Variants in BACH2 observed in about 807,000 individuals in gnomAD.
The protein encoded by BACH2 is transcription regulator protein BACH2.
BACH2 carries 5 observed loss-of-function variants against 61.8 expected under a neutral mutation model. The observed-to-expected ratio is 0.08, with a 90% CI of 0.04 to 0.17. BACH2 has a LOEUF of 0.17. BACH2 is among the 10% of genes least tolerant of loss of function. The pLI, the probability that BACH2 is intolerant of heterozygous loss-of-function variation, is 1.00. For missense variants in BACH2, 824 were observed against 1,091.1 expected (o/e 0.76, Z 3.45); for synonymous variants, 446 against 440.1 (o/e 1.01, Z -0.17).
chr6:90,271,628 A>C (rs1771528056), intron 2 of BACH2, among the ~76,000 whole-genome samples: 1 of 152,238 alleles, frequency 6.6e-6, no homozygotes, highest in Non-Finnish European at 1.5e-5. Flanking sequence ...ATAGCCAACA[A>C]ACATAAGAAA....
chr6:90,133,493 T>C (rs947039681), intron 4 of BACH2, among the ~76,000 whole-genome samples: 1 of 152,164 alleles, frequency 6.6e-6, no homozygotes, highest in Admixed American at 6.5e-5. Context: ...AAGAAAATAA[T>C]TCCTCTTTAG....
In BACH2 at chr6:89,971,385, T is replaced by G. The variant is rs371744855; in HGVS notation, c.244-19523A>C. 6.6e-5 allele frequency among the ~76,000 whole-genome samples: 10 copies of G among 152,178 alleles called. No individual in the cohort carries two copies. In the East Asian group the frequency reaches 1.7e-3, roughly 26 times the overall value. ...CAAATCACCTTATCCCTTTAACGAA[T>G]GCATACTGACCACTTTGCATGGTTC... On this transcript the variant is annotated intron_variant, in intron 6 of 8. Coordinates refer to ENST00000257749, the MANE Select transcript of BACH2 (RefSeq NM_021813.4).
At chr6:90,249,983 A>C (rs1770754847) in intron 3 of BACH2, among the ~76,000 whole-genome samples, 1 of 152,172 alleles carries the variant, frequency 6.6e-6, no homozygotes, top group South Asian at 2.1e-4. Flanking sequence ...CCCCACCCAC[A>C]GAGTTTTGGC....
chr6:90,095,747 T>TCATCAC (rs888337911), intron 4 of BACH2, among the ~76,000 whole-genome samples: 4 of 148,718 alleles, frequency 2.7e-5, no homozygotes, highest in South Asian at 4.4e-4. Flanking sequence ...TATTGATACA[T>TCATCAC]CATCACCATC....
chr6:90,187,690 T>C (rs1285752265), intron 4 of BACH2, among the ~76,000 whole-genome samples: 2 of 152,256 alleles, frequency 1.3e-5, no homozygotes, highest in African/African-American at 2.4e-5. Flanking sequence ...AGAACCAGAA[T>C]TTCCCAGAAG....
At chr6:90,097,570 G>A (rs1430016276) in intron 4 of BACH2, among the ~76,000 whole-genome samples, 5 of 152,120 alleles carry the variant, frequency 3.3e-5, no homozygotes, top group Non-Finnish European at 5.9e-5. Flanking sequence ...GAAAGGGTGT[G>A]GCATTTACCA....
intron 1 of BACH2, 68 bp downstream of exon 1, chr6:90,296,412 T>TC (rs1772392152): frequency 6.9e-6 from 1 of 144,216 alleles, no homozygotes; most frequent in African/African-American, 2.6e-5. Context: ...GCGCGCCCGC[T>TC]CCCCCCGCAA....
intron 3 of BACH2, among the ~76,000 whole-genome samples, chr6:90,221,408 A>AC (rs1486583321): frequency 1.3e-5 from 2 of 152,226 alleles, no homozygotes; most frequent in Non-Finnish European, 2.9e-5. Context: ...GCCAATGGTT[A>AC]AGATGATCAA....
At chr6:90,037,152 A>G (rs1483360877) in intron 5 of BACH2, among the ~76,000 whole-genome samples, 1 of 152,200 alleles carries the variant, frequency 6.6e-6, no homozygotes, top group African/African-American at 2.4e-5. Context: ...GGGAAGACAC[A>G]TACCACACCC....
intron 4 of BACH2, among the ~76,000 whole-genome samples, chr6:90,191,660 G>A (rs922520278): frequency 1.2e-3 from 180 of 152,228 alleles, no homozygotes; most frequent in African/African-American, 3.9e-3. Flanking sequence ...GGGTCTCTGC[G>A]TTTCCCCATC....
intron 3 of BACH2, among the ~76,000 whole-genome samples, chr6:90,221,568 G>A (rs1769734935): frequency 6.6e-6 from 1 of 152,196 alleles, no homozygotes; most frequent in Non-Finnish European, 1.5e-5. Context: ...CCCTTGAGGA[G>A]TCTACTTAAG....
At chr6:89,944,435 C>G (rs1225499820) in intron 7 of BACH2, among the ~76,000 whole-genome samples, 1 of 152,222 alleles carries the variant, frequency 6.6e-6, no homozygotes, top group Non-Finnish European at 1.5e-5. Flanking sequence ...AACATAAAAA[C>G]ACTGTTTTAA....
At chr6:90,282,463 T>C (rs1047874218) in intron 1 of BACH2, among the ~76,000 whole-genome samples, 1 of 152,218 alleles carries the variant, frequency 6.6e-6, no homozygotes, top group Admixed American at 6.5e-5. Context: ...GCTCCATCTA[T>C]GTCCCTGCAA....
chr6:90,164,673 T>C (rs961385831), intron 4 of BACH2, among the ~76,000 whole-genome samples: 3 of 152,162 alleles, frequency 2.0e-5, no homozygotes, highest in Non-Finnish European at 4.4e-5. Context: ...AATAAAATAC[T>C]GGCAAAACAA....
chr6:90,151,369 C>T (rs985829096), intron 4 of BACH2, among the ~76,000 whole-genome samples: 23 of 152,112 alleles, frequency 1.5e-4, no homozygotes, highest in Non-Finnish European at 1.9e-4. Flanking sequence ...ACTGTAGCCT[C>T]GACCTCCCAG....
chr6:90,248,792 C>G (rs1047745251), intron 3 of BACH2, among the ~76,000 whole-genome samples: 1 of 152,122 alleles, frequency 6.6e-6, no homozygotes, highest in African/African-American at 2.4e-5. Flanking sequence ...GGGGAGGAGG[C>G]TGGATTCTTA....
chr6:90,000,877 C>G (rs1428416419), intron 6 of BACH2, among the ~76,000 whole-genome samples: 1 of 152,088 alleles, frequency 6.6e-6, no homozygotes, highest in Non-Finnish European at 1.5e-5. Flanking sequence ...CTTCTGGAGT[C>G]CTGTGGTTCT....
At chr6:90,161,412 G>C (rs1175412063) in intron 4 of BACH2, among the ~76,000 whole-genome samples, 1 of 151,994 alleles carries the variant, frequency 6.6e-6, no homozygotes, top group Non-Finnish European at 1.5e-5. Context: ...TCCCTGTTAG[G>C]TAAATTACAG....
chr6:90,058,340 G>C (rs1489074152), intron 5 of BACH2, among the ~76,000 whole-genome samples: 4 of 152,132 alleles, frequency 2.6e-5, no homozygotes, highest in African/African-American at 7.2e-5. Flanking sequence ...CAGACAAACA[G>C]AGAGCCAAAT....
Sources: gnomAD v4.1 joint callset for allele counts (sites outside exome capture counted in the v4.1 genomes callset) on GRCh38, gnomAD v4.1.1 for gene constraint, MANE v1.5 for transcripts, NCBI Gene and HGNC (gene_info 2026-07-23, HGNC 2026-07-21) for gene names.